The following DCC variants were observed in gnomAD, a reference collection of about 807,000 sequenced individuals.
The protein encoded by DCC is DCC netrin 1 receptor.
A neutral mutation model predicts 172.5 loss-of-function variants in DCC; 58 were observed. The ratio of observed to expected loss-of-function variants is 0.34; its 90% CI spans 0.27 to 0.42. DCC has a LOEUF of 0.42. Ranked by LOEUF, DCC falls within the 10% of genes least tolerant of loss-of-function variation. DCC has a pLI of 1.00. For synonymous variants in DCC, 709 were observed against 644.5 expected, an observed-to-expected ratio of 1.10 and a Z score of -1.52; for missense variants, 1,740 against 1,791.0, an observed-to-expected ratio of 0.97 and a Z score of 0.51.
chr18:53,489,845 TTAA>T (rs1448298008), intron 26 of DCC, among the ~76,000 whole-genome samples: 1 of 152,208 alleles, frequency 6.6e-6, no homozygotes, highest in East Asian at 1.9e-4. Context: ...TTTCTTCTTC[TTAA>T]TAAGTAACTG....
intron 10 of DCC, 125 bp downstream of exon 10, chr18:53,205,489 C>A: frequency 1.1e-6 from 1 of 898,978 alleles, no homozygotes; most frequent in Non-Finnish European, 1.9e-6. Flanking sequence ...TTAACACATT[C>A]ATTGAAAAGC....
chr18:52,550,005 T>C (rs1328273627), intron 1 of DCC, among the ~76,000 whole-genome samples: 1 of 151,974 alleles, frequency 6.6e-6, no homozygotes, highest in African/African-American at 2.4e-5. Context: ...AGTAACTTTA[T>C]AGTAGAGAAA....
chr18:52,678,732 C>T (rs549746492), intron 1 of DCC, among the ~76,000 whole-genome samples: 20 of 152,252 alleles, frequency 1.3e-4, no homozygotes, highest in African/African-American at 4.1e-4. Flanking sequence ...TTCCATGCCA[C>T]GAAAGATTTA....
At chr18:52,387,892 T>A (rs1985876843) in intron 1 of DCC, among the ~76,000 whole-genome samples, 1 of 152,036 alleles carries the variant, frequency 6.6e-6, no homozygotes, top group Non-Finnish European at 1.5e-5. Context: ...CAATATCTAG[T>A]TTTAAAAGTA....
intron 1 of DCC, among the ~76,000 whole-genome samples, chr18:52,428,296 T>C (rs549869258): frequency 6.6e-6 from 1 of 152,246 alleles, no homozygotes; most frequent in Admixed American, 6.6e-5. Flanking sequence ...AACCTGTTCT[T>C]TGACTCTTTT....
At chr18:52,907,307 C>CATG (rs1555680325) in intron 3 of DCC, among the ~76,000 whole-genome samples, 1 of 101,516 alleles carries the variant, frequency 9.9e-6, no homozygotes, top group Non-Finnish European at 2.0e-5. Context: ...TGGATATATA[C>CATG]ATATGTATAT....
rs549471819 is a variant in DCC, at chr18:52,926,783, A to C, written c.985+1413A>C. Among the ~76,000 whole-genome samples, 22 of 148,334 alleles carry C rather than the reference A, an allele frequency of 1.5e-4. No homozygotes were observed. The South Asian group carries it at 3.2e-3, about 21-fold the overall frequency. On this transcript the variant is annotated intron_variant, in intron 5 of 28. Coordinates refer to ENST00000442544, the MANE Select transcript of DCC (RefSeq NM_005215.4). ...CTGGGGATAAACTAAATTAGTCTCT[A>C]TATATATACACACACACATATACAT... is the stretch of plus-strand genomic sequence containing the variant.
At chr18:53,425,695 T>G (rs1389432943) in intron 21 of DCC, among the ~76,000 whole-genome samples, 4 of 152,088 alleles carry the variant, frequency 2.6e-5, no homozygotes, top group Admixed American at 6.6e-5. Flanking sequence ...TATTCACCTA[T>G]AATGCTAAAA....
At chr18:52,994,048 A>G (rs552812870) in intron 5 of DCC, among the ~76,000 whole-genome samples, 2 of 152,260 alleles carry the variant, frequency 1.3e-5, no homozygotes, top group Admixed American at 1.3e-4. Context: ...TTATGTTAAC[A>G]AAAAAAGGAA....
intron 1 of DCC, among the ~76,000 whole-genome samples, chr18:52,470,442 G>C (rs890034003): frequency 2.0e-5 from 3 of 152,158 alleles, no homozygotes; most frequent in African/African-American, 4.8e-5. Flanking sequence ...AGATTATTCT[G>C]TGTGACTTTC....
At chr18:53,367,039 A>G (rs754011824) in intron 15 of DCC, among the ~76,000 whole-genome samples, 11 of 152,324 alleles carry the variant, frequency 7.2e-5, no homozygotes, top group African/African-American at 1.4e-4. Context: ...CCTAACTAAT[A>G]AAATATGTTT....
At chr18:52,780,510 T>C (rs2037519150) in intron 2 of DCC, among the ~76,000 whole-genome samples, 1 of 152,166 alleles carries the variant, frequency 6.6e-6, no homozygotes, top group South Asian at 2.1e-4. Context: ...TTAATCTAAG[T>C]TTTATATGAC....
At chr18:52,643,693 G>A (rs1357348753) in intron 1 of DCC, among the ~76,000 whole-genome samples, 1 of 152,152 alleles carries the variant, frequency 6.6e-6, no homozygotes, top group Non-Finnish European at 1.5e-5. Flanking sequence ...TCCTTGTGAA[G>A]TTGAAACTGG....
chr18:52,653,380 A>G (rs1256902256), intron 1 of DCC, among the ~76,000 whole-genome samples: 2 of 152,202 alleles, frequency 1.3e-5, no homozygotes, highest in Non-Finnish European at 2.9e-5. Flanking sequence ...TATGTTTTAA[A>G]AAGTCTAAGA....
intron 1 of DCC, among the ~76,000 whole-genome samples, chr18:52,440,309 T>C (rs1987934881): frequency 6.6e-6 from 1 of 152,224 alleles, no homozygotes; most frequent in South Asian, 2.1e-4. Flanking sequence ...TGCTTCAGAA[T>C]ACAAATCCAC....
chr18:53,220,530 A>G (rs1003497465), intron 12 of DCC, among the ~76,000 whole-genome samples: 2 of 152,208 alleles, frequency 1.3e-5, no homozygotes, highest in African/African-American at 4.8e-5. Flanking sequence ...TAGTAGGTTT[A>G]AAAAATGGAT....
In DCC at chr18:52,903,743, G is replaced by A. The variant is rs58047846; in HGVS notation, c.413-2301G>A. On this transcript the variant is annotated intron_variant, in intron 2 of 28. Coordinates refer to ENST00000442544, the MANE Select transcript of DCC (RefSeq NM_005215.4). ...TATTAAATAAAAATCAAATTTGTGC[G>A]AAACTCATTGCCCTACATAAGCCTC... Among the ~76,000 whole-genome samples the A allele has an allele frequency of 2.9e-3, 441 of 152,248 alleles. 2 individuals carry two copies. Among genetic ancestry groups the A allele is most frequent in the African/African-American group, 0.01 (425 of 41,542 alleles).
intron 12 of DCC, among the ~76,000 whole-genome samples, chr18:53,250,919 C>T (rs1011592090): frequency 1.3e-5 from 2 of 151,912 alleles, no homozygotes; most frequent in East Asian, 1.9e-4. Flanking sequence ...CGAGGTCATC[C>T]GTGACCTCTA....
At chr18:53,143,343 G>A (rs943281730) in intron 7 of DCC, among the ~76,000 whole-genome samples, 4 of 152,180 alleles carry the variant, frequency 2.6e-5, no homozygotes, top group African/African-American at 9.7e-5. Flanking sequence ...GCTGACAGCT[G>A]TATAGCAGTG....
Sources: allele counts gnomAD v4.1 joint callset (sites outside exome capture counted in the v4.1 genomes callset), GRCh38; gene constraint gnomAD v4.1.1; transcripts MANE v1.5; gene names NCBI Gene and HGNC (gene_info 2026-07-23, HGNC 2026-07-21).